AK1: variants seen among roughly 807,000 people sequenced by gnomAD.
AK1 encodes adenylate kinase 1, also known as adenylate kinase isoenzyme 1.
AK1 carries 13 observed loss-of-function variants against 23.9 expected under a neutral mutation model. The observed-to-expected ratio is 0.54, with a 90% CI of 0.35 to 0.86. The LOEUF is 0.86. AK1 is among the 40% of genes least tolerant of loss of function. AK1 has a pLI of 0.01. For missense variants in AK1, 214 were observed against 255.1 expected (o/e 0.84, Z 1.10); for synonymous variants, 97 against 102.8 (o/e 0.94, Z 0.34).
At chr9:127,874,407 C>T in intron 2 of AK1, 2 of 985,336 alleles carry the variant, frequency 2.0e-6, no homozygotes, top group Non-Finnish European at 2.4e-6. Context: ...CTTGGGGAGG[C>T]CTCGTCACGT....
chr9:127,870,804 ACGGGG>A (rs1359759804), intron 5 of AK1, among the ~76,000 whole-genome samples: 28 of 146,336 alleles, frequency 1.9e-4, no homozygotes, highest in African/African-American at 6.8e-4. Flanking sequence ...CCCTACGGAG[ACGGGG>A]CATGGGAATG....
At position 127,867,012 on chromosome 9, in the gene AK1, T is replaced by C. The variant is rs955104968; in HGVS notation, c.*996A>G. 1 of 146,134 alleles carries C rather than the reference T, an allele frequency of 6.8e-6. No homozygotes were observed. The highest frequency in any genetic ancestry group is 2.6e-5 in the African/African-American group (1 of 39,064). The allele number at this position is 146,134 out of a possible 1,614,324, so 9.1% of individuals were successfully genotyped here. A position where few individuals can be genotyped will look rare whatever the true frequency, so the allele number is the denominator to read the frequency against. ...TGACTCCCCCAATTCAATTTCTTTT[T>C]TTTTTTTTTTTTTTTTGAGACGGAG... On this transcript the variant is annotated 3_prime_UTR_variant, in exon 7 of 7. Coordinates refer to ENST00000644144, the MANE Select transcript of AK1 (RefSeq NM_000476.3).
At chr9:127,873,879 C>T (rs1829476726) in intron 2 of AK1, 1 of 985,434 alleles carries the variant, frequency 1.0e-6, no homozygotes, top group Non-Finnish European at 1.2e-6. Flanking sequence ...GGTTCTCTGC[C>T]CCTTCCCCAG....
In AK1 at chr9:127,868,003, C is replaced by A. The variant is rs369560590; in HGVS notation, c.*5G>T. 3 of 1,614,108 alleles carry A rather than the reference C, an allele frequency of 1.9e-6. No individual in the cohort carries two copies. Among genetic ancestry groups the A allele is most frequent in the Non-Finnish European group, 2.5e-6 (3 of 1,179,978 alleles). ...CTCTGAGCTGGGGAAGCGGCTCCAGCGTTGCTACTTTAGGGCGTCCAGGTG... is the reference window on the plus strand; with the variant it reads ...CTCTGAGCTGGGGAAGCGGCTCCAGAGTTGCTACTTTAGGGCGTCCAGGTG... On this transcript the variant is annotated 3_prime_UTR_variant, in exon 7 of 7. Transcript: ENST00000644144. The surrounding 1 kb of genome is among the most constrained non-coding windows in gnomAD (Gnocchi z 4.1).
intron 1 of AK1, among the ~76,000 whole-genome samples, chr9:127,876,048 T>C (rs529658348): frequency 2.0e-5 from 3 of 152,308 alleles, no homozygotes; most frequent in Admixed American, 2.0e-4. Context: ...ACATAGTGGA[T>C]AGGTCCCGGT....
intron 2 of AK1, chr9:127,873,432 G>C (rs539108170): frequency 1.3e-6 from 2 of 1,557,112 alleles, no homozygotes; most frequent in Non-Finnish European, 1.7e-6. Flanking sequence ...GGGGTCACTC[G>C]AGGAGCAGCA....
At position 127,868,413 on chromosome 9, in the gene AK1, TGTC is replaced by T. The variant is rs387906582; in HGVS notation, c.421_423del (p.Asp141del). 6 of 1,612,720 alleles carry T rather than the reference TGTC, an allele frequency of 3.7e-6. No homozygotes were observed. The highest frequency in any genetic ancestry group is 5.1e-6 in the Non-Finnish European group (6 of 1,179,494). The stretch of plus-strand genomic sequence containing the variant: ...AGCCGCTTTTTGATGGTCTCCTCAT[TGTC>T]GTCCACACGCCCGCTGGTCTCTCCA... On this transcript the variant is annotated inframe_deletion, in exon 6 of 7. Coordinates refer to ENST00000644144, the MANE Select transcript of AK1 (RefSeq NM_000476.3). This position sits in a 1 kb window ranked among gnomAD's most constrained non-coding sequence, Gnocchi z 4.1.
intron 4 of AK1, 121 bp downstream of exon 4, chr9:127,872,569 G>T (rs1290330537): frequency 7.4e-7 from 1 of 1,353,206 alleles, no homozygotes. Context: ...CCACAGAAGG[G>T]TTTGGAGCCG....
intron 2 of AK1, 110 bp from the exon 3 acceptor site, chr9:127,873,171 G>A (rs1380779505): frequency 1.3e-5 from 20 of 1,548,870 alleles, no homozygotes; most frequent in African/African-American, 2.7e-5. Context: ...GACAGACACC[G>A]CTGGCGCTCC....
Position 127,868,587 on chromosome 9 carries a change from T to C in AK1, c.325-75A>G, listed in dbSNP as rs1829307211. On this transcript the variant is annotated intron_variant, in intron 5 of 6. Transcript: ENST00000644144. The surrounding 1 kb of genome is among the most constrained non-coding windows in gnomAD (Gnocchi z 4.1). ...CATCTCCTCCCCATCTTCCCATCTA[T>C]GAAGCCCCAGTAGATACCCCCTCAG... The C allele has an allele frequency of 2.7e-6, 4 of 1,507,676 alleles. No individual in the cohort carries two copies. The East Asian group carries it at 9.8e-5, about 37-fold the overall frequency. 93.4% of individuals were successfully genotyped at this position (1,507,676 alleles called of 1,614,324 possible).
At position 127,877,049 on chromosome 9, in the gene AK1, C is replaced by T. The variant is rs1829555870; in HGVS notation, c.-33+574G>A. 6.6e-6 allele frequency among the ~76,000 whole-genome samples: 1 copy of T among 152,216 alleles called. No individual in the cohort carries two copies. Among genetic ancestry groups the T allele is most frequent in the Non-Finnish European group, 1.5e-5 (1 of 68,020 alleles). The stretch of plus-strand genomic sequence containing the variant: ...CTGTGTGACCTTGGGCAGTTGGTGT[C>T]CCCTCTCTGGGCCTGTCCTGCTGCT... On this transcript the variant is annotated intron_variant, in intron 1 of 6. Coordinates refer to ENST00000644144, the MANE Select transcript of AK1 (RefSeq NM_000476.3). The surrounding 1 kb of genome is among the most constrained non-coding windows in gnomAD (Gnocchi z 5.2).
intron 5 of AK1, among the ~76,000 whole-genome samples, chr9:127,870,829 A>ATGGGGCACGGGG (rs1564472243): frequency 1.9e-5 from 1 of 52,532 alleles, no homozygotes; most frequent in Non-Finnish European, 5.2e-5. Flanking sequence ...GGGGCATGGG[A>ATGGGGCACGGGG]ATGGGGCATG....
At position 127,868,921 on chromosome 9, in the gene AK1, C is replaced by G. The variant is rs2070691; in HGVS notation, c.325-409G>C. On this transcript the variant is annotated intron_variant, in intron 5 of 6. Coordinates refer to ENST00000644144, the MANE Select transcript of AK1 (RefSeq NM_000476.3). The surrounding 1 kb of genome is among the most constrained non-coding windows in gnomAD (Gnocchi z 4.1). ...AGCTCACTTCCTCAGGGCAGTCTCTCTGATGCCACCCCCCGCCCCCCAGTA... is the reference window on the plus strand; with the variant it reads ...AGCTCACTTCCTCAGGGCAGTCTCTGTGATGCCACCCCCCGCCCCCCAGTA... Among the ~76,000 whole-genome samples, 55,628 of 151,754 alleles carry G rather than the reference C, an allele frequency of 0.37. 10,411 individuals carry two copies. The highest frequency in any genetic ancestry group is 0.39 in the South Asian group (1,870 of 4,820).
chr9:127,874,535 T>C, intron 2 of AK1, 76 bp downstream of exon 2: 1 of 1,611,404 alleles, frequency 6.2e-7, no homozygotes, highest in Non-Finnish European at 8.5e-7. Context: ...CCAGAATGTC[T>C]CCCTGAGAGC....
Position 127,867,593 on chromosome 9 carries a change from G to T in AK1, c.*415C>A. 3.8e-6 allele frequency: 1 copy of T among 260,970 alleles called. No individual in the cohort carries two copies. The allele number at this position is 260,970 out of a possible 1,614,324, so 16.2% of individuals were successfully genotyped here. ...CAAGATGCAGAGGAGCCCAGGCTGGGACCGGTTCTGCCTGAACATGAGCCC... is the reference window on the plus strand; with the variant it reads ...CAAGATGCAGAGGAGCCCAGGCTGGTACCGGTTCTGCCTGAACATGAGCCC... On this transcript the variant is annotated 3_prime_UTR_variant, in exon 7 of 7. Coordinates refer to ENST00000644144, the MANE Select transcript of AK1 (RefSeq NM_000476.3).
chr9:127,879,168 T>C (rs1026086200), upstream of AK1, among the ~76,000 whole-genome samples: 2 of 152,122 alleles, frequency 1.3e-5, no homozygotes, highest in African/African-American at 2.4e-5. Context: ...CAAATTTGCA[T>C]AGGAAAGTTT....
intron 5 of AK1, among the ~76,000 whole-genome samples, chr9:127,870,819 GGGGC>G (rs1564472178): frequency 2.6e-4 from 4 of 15,626 alleles, no homozygotes; most frequent in Non-Finnish European, 6.5e-4. Context: ...GCATGGGAAT[GGGGC>G]ATGGGAATGG....
chr9:127,874,448 G>A (rs969490099), intron 2 of AK1, 163 bp downstream of exon 2: 26 of 985,234 alleles, frequency 2.6e-5, no homozygotes, highest in East Asian at 1.1e-4. Flanking sequence ...GGCACATCCC[G>A]TGAGAGGCCA....
rs746099632 is a variant in AK1, at chr9:127,872,786, G to A, written c.111C>T (p.Leu37=). 14 of 1,614,008 alleles carry A rather than the reference G, an allele frequency of 8.7e-6. No homozygotes were observed. The highest frequency in any genetic ancestry group is 1.2e-5 in the Non-Finnish European group (14 of 1,180,034). ...KIVQKYGYTH[L]STGDLLRSEV... ...CGGACCGCAGGAGGTCCCCGGTGGA[G>A]AGGTGGGTGTAGCCATACTTCTGCA... Residue 37 remains leucine, a synonymous_variant, in exon 4 of 7, where the codon CTC becomes CTT. Coordinates refer to ENST00000644144, the MANE Select transcript of AK1 (RefSeq NM_000476.3).
Sources: gnomAD v4.1 joint callset for allele counts (sites outside exome capture counted in the v4.1 genomes callset) on GRCh38, gnomAD v4.1.1 for gene constraint, Gnocchi (gnomAD v3.1) non-coding constraint, MANE v1.5 for transcripts, NCBI Gene and HGNC (gene_info 2026-07-23, HGNC 2026-07-21) for gene names.